Variants in L3MBTL4 observed in about 807,000 individuals in gnomAD.
L3MBTL4 encodes the protein L3MBTL histone methyl-lysine binding protein 4.
In L3MBTL4, 70 loss-of-function variants were observed where a neutral mutation model predicts 84.5. The ratio of observed to expected loss-of-function variants is 0.83; its 90% CI spans 0.68 to 1.01. The LOEUF is 1.01. Among genes scored for constraint, L3MBTL4 ranks in the 50% least tolerant of loss-of-function variants. The pLI is 0.00. For synonymous variants in L3MBTL4, 274 were observed against 259.8 expected (o/e 1.05, Z -0.52); for missense variants, 715 against 754.8 (o/e 0.95, Z 0.62).
chr18:6,229,485 G>T (rs761408276), intron 10 of L3MBTL4, among the ~76,000 whole-genome samples: 6 of 152,006 alleles, frequency 3.9e-5, no homozygotes, highest in Non-Finnish European at 8.8e-5. Context: ...TTTTCATGAA[G>T]TCCAATTTGT....
At chr18:5,972,922 TAGAA>T in intron 16 of L3MBTL4, among the ~76,000 whole-genome samples, 1 of 29,238 alleles carries the variant, frequency 3.4e-5, no homozygotes, top group Non-Finnish European at 7.1e-5. Flanking sequence ...TAGAATAGAA[TAGAA>T]TAGAATAGAA....
At chr18:6,354,275 A>C (rs1213597068) in intron 1 of L3MBTL4, among the ~76,000 whole-genome samples, 2 of 152,192 alleles carry the variant, frequency 1.3e-5, no homozygotes, top group Non-Finnish European at 2.9e-5. Flanking sequence ...CACATACAAA[A>C]ATCACATGAA....
intron 16 of L3MBTL4, among the ~76,000 whole-genome samples, chr18:5,977,679 C>T (rs928166541): frequency 1.3e-5 from 2 of 152,226 alleles, no homozygotes; most frequent in Non-Finnish European, 2.9e-5. Flanking sequence ...GCTGTTGATA[C>T]TATTCCAACA....
intron 16 of L3MBTL4, among the ~76,000 whole-genome samples, chr18:5,976,930 C>A (rs983937966): frequency 3.3e-5 from 5 of 152,140 alleles, no homozygotes; most frequent in African/African-American, 4.8e-5. Context: ...GTTTCCTTAC[C>A]AGGTCTTGTG....
rs2046256389 is a variant in L3MBTL4, at chr18:6,214,802, C to A, written c.870+948G>T. ...ATCCCTGAGCTGAATCCACAATAACCCAGGACAGAGCTTGGAAGTTGCCTT... is the reference window on the plus strand; with the variant it reads ...ATCCCTGAGCTGAATCCACAATAACACAGGACAGAGCTTGGAAGTTGCCTT... On this transcript the variant is annotated intron_variant, in intron 11 of 18. Transcript: ENST00000317931. Among the ~76,000 whole-genome samples, 6 of 152,158 alleles carry A rather than the reference C, an allele frequency of 3.9e-5. No individual in the cohort carries two copies. In the South Asian group the frequency reaches 1.2e-3, roughly 32 times the overall value.
At chr18:6,155,176 T>C (rs1158066824) in intron 13 of L3MBTL4, among the ~76,000 whole-genome samples, 1 of 152,172 alleles carries the variant, frequency 6.6e-6, no homozygotes, top group African/African-American at 2.4e-5. Flanking sequence ...AAAAGGACTA[T>C]GTGGTCAGCA....
At chr18:6,324,428 C>T (rs2051605126) in intron 1 of L3MBTL4, among the ~76,000 whole-genome samples, 1 of 152,182 alleles carries the variant, frequency 6.6e-6, no homozygotes, top group African/African-American at 2.4e-5. Context: ...AGTGCCAGGC[C>T]CTGAGAGCAG....
intron 16 of L3MBTL4, among the ~76,000 whole-genome samples, chr18:6,061,338 C>T (rs72862017): frequency 0.25 from 37,937 of 151,872 alleles, 5,424 homozygotes; most frequent in East Asian, 0.57. Flanking sequence ...AATTGGATTG[C>T]TTTCTTACTG....
intron 7 of L3MBTL4, among the ~76,000 whole-genome samples, chr18:6,242,697 C>T (rs1034406385): frequency 6.6e-6 from 1 of 152,214 alleles, no homozygotes; most frequent in African/African-American, 2.4e-5. Flanking sequence ...CAGAAGTTTG[C>T]TGTGCAAAGA....
At chr18:6,117,112 T>C (rs1428155321) in intron 14 of L3MBTL4, among the ~76,000 whole-genome samples, 4 of 152,196 alleles carry the variant, frequency 2.6e-5, no homozygotes, top group African/African-American at 9.7e-5. Context: ...GGCTGCATAG[T>C]TTTCCTTTGT....
intron 1 of L3MBTL4, among the ~76,000 whole-genome samples, chr18:6,349,524 G>A (rs377426511): frequency 3.3e-5 from 5 of 152,180 alleles, no homozygotes; most frequent in African/African-American, 7.2e-5. Flanking sequence ...AGGCCAGATC[G>A]AGACCAGCCC....
At position 6,196,448 on chromosome 18, in the gene L3MBTL4, T is replaced by C. The variant is rs150332155; in HGVS notation, c.981+16701A>G. Among the ~76,000 whole-genome samples, 809 of 152,222 alleles carry C rather than the reference T, an allele frequency of 5.3e-3. 9 individuals are homozygous for C. Among genetic ancestry groups the C allele is most frequent in the African/African-American group, 0.016 (684 of 41,542 alleles). On this transcript the variant is annotated intron_variant, in intron 12 of 18. Coordinates refer to ENST00000317931, the MANE Select transcript of L3MBTL4 (RefSeq NM_001330559.2). ...CTGGGATTACAGGCATGAGCCACCG[T>C]GCCCGGCCTAGAGTTCCTCTTAAAT...
Position 6,363,093 on chromosome 18 carries a change from T to C in L3MBTL4, c.-90-51037A>G, listed in dbSNP as rs527457552. Among the ~76,000 whole-genome samples the C allele has an allele frequency of 2.0e-5, 3 of 152,338 alleles. No individual in the cohort carries two copies. The East Asian group carries it at 5.8e-4, about 29-fold the overall frequency. ...CTAGGACATATATCGGGGATGAAGT[T>C]AAATGCTAGACACAGACATTCTTCT... On this transcript the variant is annotated intron_variant, in intron 1 of 18. Transcript: ENST00000317931.
chr18:5,975,786 C>G (rs760043945), intron 16 of L3MBTL4, among the ~76,000 whole-genome samples: 1 of 152,206 alleles, frequency 6.6e-6, no homozygotes, highest in South Asian at 2.1e-4. Flanking sequence ...CAGGAACGCT[C>G]CTCTCTCTGA....
At chr18:6,060,776 G>C (rs2057188259) in intron 16 of L3MBTL4, among the ~76,000 whole-genome samples, 1 of 151,942 alleles carries the variant, frequency 6.6e-6, no homozygotes, top group Non-Finnish European at 1.5e-5. Flanking sequence ...GCCCTTTCAG[G>C]CTGGCTTCTT....
At chr18:6,100,532 T>C (rs1260122234) in intron 14 of L3MBTL4, among the ~76,000 whole-genome samples, 1 of 152,216 alleles carries the variant, frequency 6.6e-6, no homozygotes. Context: ...TCCTGGTTCT[T>C]GGTATAATGA....
At chr18:5,995,638 A>T (rs1385187317) in intron 16 of L3MBTL4, among the ~76,000 whole-genome samples, 1 of 152,166 alleles carries the variant, frequency 6.6e-6, no homozygotes, top group Non-Finnish European at 1.5e-5. Flanking sequence ...TTCTGGAGAG[A>T]CAGAACTCTG....
intron 4 of L3MBTL4, among the ~76,000 whole-genome samples, chr18:6,292,687 G>A (rs1169176888): frequency 4.6e-5 from 7 of 152,324 alleles, no homozygotes; most frequent in Middle Eastern, 3.4e-3. Flanking sequence ...AAATGTGAAA[G>A]TTAATCACAT....
At chr18:6,151,383 T>G (rs571663183) in intron 13 of L3MBTL4, among the ~76,000 whole-genome samples, 2 of 152,256 alleles carry the variant, frequency 1.3e-5, no homozygotes, top group Admixed American at 6.5e-5. Flanking sequence ...ACAATTAATT[T>G]TTTTAATTTT....
Sources: allele counts gnomAD v4.1 joint callset (sites outside exome capture counted in the v4.1 genomes callset), GRCh38; gene constraint gnomAD v4.1.1; transcripts MANE v1.5; gene names NCBI Gene and HGNC (gene_info 2026-07-23, HGNC 2026-07-21).